Variants in DNAJC15 observed in about 807,000 individuals in gnomAD.
DNAJC15 encodes dnaJ homolog subfamily C member 15.
Under a neutral mutation model 22.4 loss-of-function variants are expected in DNAJC15, and 27 were observed. The ratio of observed to expected loss-of-function variants is 1.20; its 90% CI spans 0.89 to 1.66. The LOEUF (loss-of-function observed/expected upper bound fraction) is 1.66. Ranked by LOEUF, DNAJC15 falls within the 40% of genes most tolerant of loss-of-function variation. The pLI, the probability that DNAJC15 is intolerant of heterozygous loss-of-function variation, is 0.00. For missense variants in DNAJC15, 208 were observed against 187.1 expected, an observed-to-expected ratio of 1.11 and a Z score of -0.65; for synonymous variants, 79 against 63.2, an observed-to-expected ratio of 1.25 and a Z score of -1.19.
intron 1 of DNAJC15, among the ~76,000 whole-genome samples, chr13:43,040,322 G>A (rs1425089160): frequency 6.6e-6 from 1 of 152,086 alleles, no homozygotes; most frequent in East Asian, 1.9e-4. Flanking sequence ...ATTTTTTCTG[G>A]CTTAATTTTC....
At chr13:43,029,664 T>C (rs1028121293) in intron 1 of DNAJC15, among the ~76,000 whole-genome samples, 4 of 152,164 alleles carry the variant, frequency 2.6e-5, no homozygotes, top group African/African-American at 9.7e-5. Flanking sequence ...GCTGTTGTTA[T>C]TTTGGTTTTT....
intron 1 of DNAJC15, among the ~76,000 whole-genome samples, chr13:43,050,055 G>T (rs1478775628): frequency 2.6e-5 from 4 of 152,020 alleles, no homozygotes; most frequent in East Asian, 3.9e-4. Context: ...AGTAGCTGGG[G>T]CTACAGGCAC....
At chr13:43,054,451 T>C (rs531629373) in intron 1 of DNAJC15, among the ~76,000 whole-genome samples, 4 of 152,344 alleles carry the variant, frequency 2.6e-5, no homozygotes, top group Non-Finnish European at 5.9e-5. Context: ...TCCCTGTTTA[T>C]CTTTTGGAAT....
intron 1 of DNAJC15, among the ~76,000 whole-genome samples, chr13:43,032,997 A>G (rs1387558719): frequency 1.3e-5 from 2 of 152,202 alleles, no homozygotes; most frequent in Non-Finnish European, 2.9e-5. Flanking sequence ...ACCACTTCAC[A>G]TGGCCAGAGC....
At chr13:43,098,329 A>C (rs954313468) in intron 5 of DNAJC15, among the ~76,000 whole-genome samples, 7 of 152,220 alleles carry the variant, frequency 4.6e-5, no homozygotes, top group Non-Finnish European at 8.8e-5. Flanking sequence ...CTGAAGCTAC[A>C]GCAGTGGAAA....
At chr13:43,046,194 A>G (rs1193574776) in intron 1 of DNAJC15, among the ~76,000 whole-genome samples, 1 of 152,138 alleles carries the variant, frequency 6.6e-6, no homozygotes, top group South Asian at 2.1e-4. Flanking sequence ...ACCAGACATA[A>G]GGTCCTAACT....
rs535743268 is a variant in DNAJC15 at position 43,027,846 on chromosome 13, A to G, written c.108+4112A>G. Among the ~76,000 whole-genome samples the G allele has an allele frequency of 9.9e-4, 151 of 152,120 alleles. 1 individual carries two copies. Among genetic ancestry groups the G allele is most frequent in the South Asian group, 5.8e-3 (28 of 4,814 alleles). ...TAATTTTTGTATTTTCAGTAGAGAT[A>G]GGGTTTCCCCATGTCAGCCAGGCTG... On this transcript the variant is annotated intron_variant, in intron 1 of 5. Transcript: ENST00000379221.
chr13:43,076,401 G>C (rs910548076), intron 3 of DNAJC15, among the ~76,000 whole-genome samples: 1 of 152,122 alleles, frequency 6.6e-6, no homozygotes, highest in African/African-American at 2.4e-5. Context: ...TGACTCCCTA[G>C]AACCCATTTT....
chr13:43,076,991 C>G (rs1250291599), intron 3 of DNAJC15, among the ~76,000 whole-genome samples: 1 of 152,182 alleles, frequency 6.6e-6, no homozygotes, highest in Non-Finnish European at 1.5e-5. Flanking sequence ...CATTTCTATA[C>G]CACAAAGTGT....
chr13:43,066,087 T>C (rs2040582231), intron 2 of DNAJC15, among the ~76,000 whole-genome samples: 1 of 152,180 alleles, frequency 6.6e-6, no homozygotes, highest in Non-Finnish European at 1.5e-5. Flanking sequence ...TTATTTTTTC[T>C]TGCAGACAGG....
chr13:43,047,320 A>G (rs180723303), intron 1 of DNAJC15, among the ~76,000 whole-genome samples: 3 of 152,368 alleles, frequency 2.0e-5, no homozygotes, highest in East Asian at 3.9e-4. Flanking sequence ...TGTAATATAT[A>G]TTACAGTAGA....
intron 2 of DNAJC15, among the ~76,000 whole-genome samples, chr13:43,068,046 A>G (rs1281753490): frequency 6.6e-6 from 1 of 152,182 alleles, no homozygotes; most frequent in Non-Finnish European, 1.5e-5. Context: ...AAATTTTTCT[A>G]AAACAGTATA....
At chr13:43,078,115 G>C (rs1322376781) in intron 3 of DNAJC15, among the ~76,000 whole-genome samples, 1 of 152,026 alleles carries the variant, frequency 6.6e-6, no homozygotes, top group African/African-American at 2.4e-5. Context: ...TTTTCTCCTT[G>C]TTCACGCCTC....
At chr13:43,063,335 C>T (rs1425858706) in intron 1 of DNAJC15, among the ~76,000 whole-genome samples, 1 of 152,152 alleles carries the variant, frequency 6.6e-6, no homozygotes, top group Non-Finnish European at 1.5e-5. Context: ...AAAAGCAGTT[C>T]ACATTTACTG....
At chr13:43,029,637 C>T (rs1378100409) in intron 1 of DNAJC15, among the ~76,000 whole-genome samples, 2 of 150,934 alleles carry the variant, frequency 1.3e-5, no homozygotes, top group Non-Finnish European at 3.0e-5. Context: ...AGTAATTTTT[C>T]TGTTTTTTTA....
chr13:43,024,344 T>TTTG (rs1260949587), intron 1 of DNAJC15, among the ~76,000 whole-genome samples: 7 of 75,264 alleles, frequency 9.3e-5, no homozygotes, highest in African/African-American at 1.2e-4. Flanking sequence ...TACGTTTTTT[T>TTTG]TTTTTTTTTT....
At chr13:43,085,925 T>G in intron 5 of DNAJC15, 87 bp downstream of exon 5, 1 of 1,246,636 alleles carries the variant, frequency 8.0e-7, no homozygotes. Context: ...GATATATAGT[T>G]GAGATGGAAG....
At chr13:43,078,364 C>A (rs545411210) in intron 3 of DNAJC15, among the ~76,000 whole-genome samples, 1 of 152,224 alleles carries the variant, frequency 6.6e-6, no homozygotes, top group South Asian at 2.1e-4. Context: ...CTGTTTTGTT[C>A]TTTCTGTTGT....
chr13:43,039,108 C>A (rs537215207), intron 1 of DNAJC15, among the ~76,000 whole-genome samples: 1 of 152,098 alleles, frequency 6.6e-6, no homozygotes, highest in African/African-American at 2.4e-5. Flanking sequence ...CAGATTGTTG[C>A]TTGAAGGCAT....
Sources: allele counts gnomAD v4.1 joint callset (sites outside exome capture counted in the v4.1 genomes callset), GRCh38; gene constraint gnomAD v4.1.1; transcripts MANE v1.5; gene names NCBI Gene and HGNC (gene_info 2026-07-23, HGNC 2026-07-21).